KCTD8: variants seen among roughly 807,000 people sequenced by gnomAD.
KCTD8 encodes potassium channel tetramerization domain containing 8, also known as BTB/POZ domain-containing protein KCTD8.
KCTD8 carries 27 observed loss-of-function variants against 31.5 expected under a neutral mutation model. The observed-to-expected ratio is 0.86, with a 90% CI of 0.63 to 1.18. The LOEUF is 1.18. Ranked by LOEUF, KCTD8 falls within the 50% of genes most tolerant of loss-of-function variation. KCTD8 has a pLI of 0.00. For missense variants in KCTD8, 658 were observed against 647.7 expected (o/e 1.02, Z -0.17); for synonymous variants, 290 against 280.0 (o/e 1.04, Z -0.36).
chr4:44,441,706 C>T (rs1270277636), intron 1 of KCTD8, among the ~76,000 whole-genome samples: 1 of 152,074 alleles, frequency 6.6e-6, no homozygotes, highest in African/African-American at 2.4e-5. Context: ...TCATAGTGTT[C>T]TAATTGAACT....
At chr4:44,381,037 T>G (rs1217167807) in intron 1 of KCTD8, among the ~76,000 whole-genome samples, 1 of 152,020 alleles carries the variant, frequency 6.6e-6, no homozygotes, top group Non-Finnish European at 1.5e-5. Flanking sequence ...GCTATCTAAT[T>G]AATACACTCA....
chr4:44,176,905 G>C (rs960644836), intron 1 of KCTD8, among the ~76,000 whole-genome samples: 3 of 74,574 alleles, frequency 4.0e-5, no homozygotes, highest in Non-Finnish European at 7.8e-5. Context: ...CTATCTCAGG[G>C]AAAGTCTTAA....
intron 1 of KCTD8, among the ~76,000 whole-genome samples, chr4:44,373,405 G>A (rs1278690372): frequency 6.6e-6 from 1 of 151,432 alleles, no homozygotes; most frequent in Non-Finnish European, 1.5e-5. Flanking sequence ...AAGGGCTCCA[G>A]AGTGGGGCTG....
At chr4:44,275,623 A>G (rs1254387415) in intron 1 of KCTD8, among the ~76,000 whole-genome samples, 1 of 152,120 alleles carries the variant, frequency 6.6e-6, no homozygotes, top group Non-Finnish European at 1.5e-5. Flanking sequence ...AGAATCTACT[A>G]AACTACAAAG....
Position 44,324,742 on chromosome 4 carries a change from G to C in KCTD8, c.961+122821C>G, listed in dbSNP as rs1308160889. The stretch of plus-strand genomic sequence containing the variant: ...TAATATCAATATTGGCTTCCCCTTG[G>C]AGACTTTTGATAAACATGTTATTTT... On this transcript the variant is annotated intron_variant, in intron 1 of 1. Coordinates refer to ENST00000360029, the MANE Select transcript of KCTD8 (RefSeq NM_198353.3). 2.6e-5 allele frequency among the ~76,000 whole-genome samples: 4 copies of C among 151,880 alleles called. No homozygotes were observed. In the East Asian group the frequency reaches 7.7e-4, roughly 29 times the overall value.
intron 1 of KCTD8, among the ~76,000 whole-genome samples, chr4:44,178,428 G>A (rs1420124833): frequency 1.3e-5 from 2 of 151,950 alleles, no homozygotes; most frequent in African/African-American, 4.8e-5. Flanking sequence ...TCCTAAGCAA[G>A]CATGAAATTC....
intron 1 of KCTD8, among the ~76,000 whole-genome samples, chr4:44,291,599 C>A (rs1717275833): frequency 1.3e-5 from 2 of 151,998 alleles, no homozygotes; most frequent in Admixed American, 1.3e-4. Context: ...AAAACAATTA[C>A]AACAAAAACA....
chr4:44,308,652 T>C (rs933989689), intron 1 of KCTD8, among the ~76,000 whole-genome samples: 4 of 152,138 alleles, frequency 2.6e-5, no homozygotes, highest in African/African-American at 7.2e-5. Flanking sequence ...GTGTAATCTA[T>C]GCTCACATCT....
intron 1 of KCTD8, among the ~76,000 whole-genome samples, chr4:44,381,641 TG>T (rs1483093518): frequency 2.6e-5 from 4 of 152,072 alleles, no homozygotes; most frequent in Admixed American, 6.6e-5. Context: ...AGGTGGGGCC[TG>T]GTGGGAGGTG....
chr4:44,366,407 T>A (rs1719637724), intron 1 of KCTD8, among the ~76,000 whole-genome samples: 1 of 152,148 alleles, frequency 6.6e-6, no homozygotes, highest in Non-Finnish European at 1.5e-5. Flanking sequence ...ACTTTAAAAG[T>A]GTATGGCACT....
chr4:44,244,857 G>C (rs1012866295), intron 1 of KCTD8, among the ~76,000 whole-genome samples: 1 of 150,550 alleles, frequency 6.6e-6, no homozygotes, highest in Non-Finnish European at 1.5e-5. Flanking sequence ...TGGGGGGGGG[G>C]GGGTCTTCAT....
chr4:44,235,197 T>G (rs1430759690), intron 1 of KCTD8, among the ~76,000 whole-genome samples: 3 of 151,386 alleles, frequency 2.0e-5, no homozygotes, highest in African/African-American at 7.3e-5. Context: ...CTGAGTTTTT[T>G]TTTTTTTTTT....
intron 1 of KCTD8, among the ~76,000 whole-genome samples, chr4:44,248,198 A>C (rs555198280): frequency 6.6e-6 from 1 of 152,056 alleles, no homozygotes; most frequent in South Asian, 2.1e-4. Flanking sequence ...TATGACATGA[A>C]ACAATTCAAT....
At chr4:44,288,960 C>A (rs1444071364) in intron 1 of KCTD8, among the ~76,000 whole-genome samples, 4 of 151,310 alleles carry the variant, frequency 2.6e-5, no homozygotes, top group African/African-American at 9.7e-5. Flanking sequence ...ATAAAGGATT[C>A]AATTTTTTAA....
chr4:44,267,433 G>A (rs1340685417), intron 1 of KCTD8, among the ~76,000 whole-genome samples: 1 of 152,126 alleles, frequency 6.6e-6, no homozygotes, highest in African/African-American at 2.4e-5. Context: ...ATGCCCACAA[G>A]AGAAAGCAGG....
chr4:44,352,889 T>C (rs7657621), intron 1 of KCTD8, among the ~76,000 whole-genome samples: 122,527 of 151,996 alleles, frequency 0.81, 49,663 homozygotes, highest in South Asian at 0.87. Context: ...TCTCCCACTA[T>C]AATATCAACT....
intron 1 of KCTD8, among the ~76,000 whole-genome samples, chr4:44,257,717 TGCTTA>T (rs1716028816): frequency 6.6e-6 from 1 of 151,974 alleles, no homozygotes; most frequent in Non-Finnish European, 1.5e-5. Flanking sequence ...AGCTGCTCTC[TGCTTA>T]GAGAGTAAAA....
At chr4:44,218,805 T>C (rs921945623) in intron 1 of KCTD8, among the ~76,000 whole-genome samples, 5 of 151,998 alleles carry the variant, frequency 3.3e-5, no homozygotes, top group African/African-American at 1.2e-4. Context: ...TAAAATAAGA[T>C]TTTGAGCTAA....
intron 1 of KCTD8, among the ~76,000 whole-genome samples, chr4:44,256,922 T>A (rs1198202809): frequency 6.6e-6 from 1 of 151,986 alleles, no homozygotes; most frequent in African/African-American, 2.4e-5. Context: ...ATAGGAGCAA[T>A]AGAAAACAAA....
Sources: allele counts gnomAD v4.1 joint callset (sites outside exome capture counted in the v4.1 genomes callset), GRCh38; gene constraint gnomAD v4.1.1; transcripts MANE v1.5; gene names NCBI Gene and HGNC (gene_info 2026-07-23, HGNC 2026-07-21).